Variants in DAB1 observed in about 807,000 individuals in gnomAD.
DAB1 encodes disabled homolog 1.
Under a neutral mutation model 64.6 loss-of-function variants are expected in DAB1, and 15 were observed. The observed-to-expected ratio is 0.23, with a 90% CI of 0.16 to 0.36. The LOEUF is 0.36. Among genes scored for constraint, DAB1 ranks in the 10% least tolerant of loss-of-function variants. The pLI is 1.00. For missense variants in DAB1, 596 were observed against 706.7 expected (o/e 0.84, Z 1.78); for synonymous variants, 235 against 251.9 (o/e 0.93, Z 0.64).
chr1:57,578,292 C>T (rs533030254), intron 7 of DAB1, among the ~76,000 whole-genome samples: 1 of 152,178 alleles, frequency 6.6e-6, no homozygotes, highest in Non-Finnish European at 1.5e-5. Flanking sequence ...GTCCACTGTG[C>T]AGGTCTTGGA....
At chr1:57,133,114 C>CTAA (rs898982238) in intron 4 of DAB1, among the ~76,000 whole-genome samples, 1 of 152,060 alleles carries the variant, frequency 6.6e-6, no homozygotes, top group African/African-American at 2.4e-5. Flanking sequence ...ATTGGTGTGT[C>CTAA]TAATAGCTCT....
rs1205125704 is a variant in DAB1, at chr1:58,498,575, TACA to T, written n.257+7482_257+7484del. Among the ~76,000 whole-genome samples the T allele has an allele frequency of 5.9e-5, 9 of 152,198 alleles. No homozygotes were observed. The South Asian group carries it at 1.2e-3, about 21-fold the overall frequency. ...ACTACTTTAAAAGACAGAAAAGAAA[TACA>T]ACAAGGATAATGCCTATATGGCTAC... On this transcript the variant is annotated intron_variant and non_coding_transcript_variant, in intron 3 of 20. Transcript: ENST00000485760.
At chr1:57,921,613 A>C (rs990672981) in intron 5 of DAB1, among the ~76,000 whole-genome samples, 1 of 152,080 alleles carries the variant, frequency 6.6e-6, no homozygotes, top group African/African-American at 2.4e-5. Context: ...ATAGATCCAG[A>C]ATCAGATCAC....
intron 5 of DAB1, among the ~76,000 whole-genome samples, chr1:57,927,751 C>T (rs952241274): frequency 2.0e-5 from 3 of 152,114 alleles, no homozygotes; most frequent in Admixed American, 6.5e-5. Context: ...TTCAGGCTTC[C>T]AATATGACCA....
chr1:57,384,949 A>C (rs1374567745), intron 1 of DAB1, among the ~76,000 whole-genome samples: 1 of 152,236 alleles, frequency 6.6e-6, no homozygotes, highest in African/African-American at 2.4e-5. Flanking sequence ...AAGGATGTAC[A>C]CGTAGGATAT....
chr1:57,236,616 A>G (rs1448078099), intron 2 of DAB1, among the ~76,000 whole-genome samples: 1 of 152,188 alleles, frequency 6.6e-6, no homozygotes, highest in Admixed American at 6.5e-5. Flanking sequence ...CAAATCAACA[A>G]TGCCTTTTTA....
chr1:57,734,462 C>T (rs1647588919), intron 6 of DAB1, among the ~76,000 whole-genome samples: 1 of 152,164 alleles, frequency 6.6e-6, no homozygotes, highest in African/African-American at 2.4e-5. Context: ...ACTCCAACCC[C>T]ATTAGCATAA....
chr1:58,013,888 TTTTTC>T (rs1646703320), intron 5 of DAB1, among the ~76,000 whole-genome samples: 2 of 9,606 alleles, frequency 2.1e-4, no homozygotes, highest in African/African-American at 3.7e-4. Flanking sequence ...TCCTTTTCTT[TTTTTC>T]TTTTTTTTTT....
intron 5 of DAB1, among the ~76,000 whole-genome samples, chr1:57,910,773 T>C (rs12125894): frequency 0.12 from 17,538 of 152,242 alleles, 1,211 homozygotes; most frequent in East Asian, 0.33. Flanking sequence ...GGCCTTTAAA[T>C]GTTGGCCTGC....
At position 57,482,207 on chromosome 1, in the gene DAB1, G is replaced by A. The variant is rs987044280; in HGVS notation, n.625+167385C>T. Among the ~76,000 whole-genome samples the A allele has an allele frequency of 1.6e-4, 24 of 152,080 alleles. 1 individual carries two copies. Among genetic ancestry groups the A allele is most frequent in the African/African-American group, 5.8e-4 (24 of 41,432 alleles). On this transcript the variant is annotated intron_variant and non_coding_transcript_variant, in intron 7 of 20. Transcript: ENST00000485760. ...ACGAAATCTAAGTTCGCATGAAAGA[G>A]CGATGATAAAAAATGCAGGTGCTGT... is the stretch of plus-strand genomic sequence containing the variant.
chr1:58,132,240 G>A (rs891366789), intron 5 of DAB1, among the ~76,000 whole-genome samples: 2 of 152,138 alleles, frequency 1.3e-5, no homozygotes, highest in Non-Finnish European at 2.9e-5. Context: ...GTCCGTCAGC[G>A]ATTTCTTTGA....
chr1:57,874,791 C>T (rs1644015680), intron 1 of DAB1, among the ~76,000 whole-genome samples: 1 of 152,036 alleles, frequency 6.6e-6, no homozygotes, highest in Non-Finnish European at 1.5e-5. Flanking sequence ...AAAACTGCAC[C>T]ACTAGCAAAC....
At chr1:57,925,097 G>C (rs1421174018) in intron 5 of DAB1, among the ~76,000 whole-genome samples, 1 of 152,124 alleles carries the variant, frequency 6.6e-6, no homozygotes, top group Non-Finnish European at 1.5e-5. Flanking sequence ...GGAAACTCAG[G>C]TCATCAAGTT....
chr1:57,274,271 C>A (rs1671279604), intron 2 of DAB1, among the ~76,000 whole-genome samples: 1 of 152,158 alleles, frequency 6.6e-6, no homozygotes, highest in Non-Finnish European at 1.5e-5. Flanking sequence ...TACTAAATAG[C>A]CCGCAAATTA....
intron 7 of DAB1, among the ~76,000 whole-genome samples, chr1:57,479,720 G>A (rs1256030419): frequency 6.6e-6 from 1 of 151,992 alleles, no homozygotes; most frequent in Non-Finnish European, 1.5e-5. Context: ...GCTGGGGGCT[G>A]GCACAATGGA....
At position 57,720,430 on chromosome 1, in the gene DAB1, T is replaced by C. The variant is rs139963889; in HGVS notation, n.552-70765A>G. Among the ~76,000 whole-genome samples, 5 of 152,340 alleles carry C rather than the reference T, an allele frequency of 3.3e-5. No individual in the cohort carries two copies. The East Asian group carries it at 9.6e-4, about 29-fold the overall frequency. ...CCTGACTCCTAACCACTGCCCCATATTGCCAATAACAATAACAGGGAAGTG... is the reference window on the plus strand; with the variant it reads ...CCTGACTCCTAACCACTGCCCCATACTGCCAATAACAATAACAGGGAAGTG... On this transcript the variant is annotated intron_variant and non_coding_transcript_variant, in intron 6 of 20. Transcript: ENST00000485760.
Position 58,289,488 on chromosome 1 carries a change from A to C in DAB1, n.309+53864T>G, listed in dbSNP as rs17117260. Among the ~76,000 whole-genome samples the C allele has an allele frequency of 7.0e-3, 1,072 of 152,316 alleles. 45 individuals are homozygous for C. The East Asian group carries it at 0.15, about 21-fold the overall frequency. On this transcript the variant is annotated intron_variant and non_coding_transcript_variant, in intron 4 of 20. Coordinates refer to the DAB1 transcript ENST00000485760. ...GATGTCACTGAGAGTTCAATAACAC[A>C]TGATTTTAAAGTTTGAGGGAAACCA... is the stretch of plus-strand genomic sequence containing the variant.
intron 2 of DAB1, among the ~76,000 whole-genome samples, chr1:57,177,812 T>C (rs982551237): frequency 6.6e-6 from 1 of 152,148 alleles, no homozygotes; most frequent in Non-Finnish European, 1.5e-5. Context: ...TCCAAAGCAA[T>C]AAAATATAAG....
chr1:58,176,705 C>A (rs753708765), intron 4 of DAB1, among the ~76,000 whole-genome samples: 10 of 152,128 alleles, frequency 6.6e-5, no homozygotes, highest in Non-Finnish European at 2.9e-5. Context: ...TCCAGCCGGG[C>A]GCGGTGGCTC....
Sources: allele counts gnomAD v4.1 joint callset (sites outside exome capture counted in the v4.1 genomes callset), GRCh38; gene constraint gnomAD v4.1.1; transcripts MANE v1.5; gene names NCBI Gene and HGNC (gene_info 2026-07-23, HGNC 2026-07-21).